Variants in KCNJ6 observed in about 807,000 individuals in gnomAD.
KCNJ6 encodes potassium inwardly rectifying channel subfamily J member 6.
Under a neutral mutation model 34.2 loss-of-function variants are expected in KCNJ6, and 9 were observed. That is an observed-to-expected ratio of 0.26 (90% CI 0.16 to 0.46). The LOEUF is 0.46. Ranked by LOEUF, KCNJ6 falls within the 20% of genes least tolerant of loss-of-function variation. The pLI is 1.00. For missense variants in KCNJ6, 236 were observed against 531.3 expected (o/e 0.44, Z 5.46); for synonymous variants, 196 against 207.1 (o/e 0.95, Z 0.46).
rs1601512220 is a variant in KCNJ6 at position 37,875,190 on chromosome 21, C to T, written c.-27-34481G>A. On this transcript the variant is annotated intron_variant, in intron 1 of 3. Coordinates refer to ENST00000609713, the MANE Select transcript of KCNJ6 (RefSeq NM_002240.5). ...TCTCTGGAACACAGTTATCCCCTTC[C>T]AGAGTGAATTATAATTCTCCCCAAC... Among the ~76,000 whole-genome samples the T allele has an allele frequency of 2.6e-5, 4 of 152,268 alleles. No individual in the cohort carries two copies. The South Asian group carries it at 8.3e-4, about 32-fold the overall frequency.
intron 1 of KCNJ6, among the ~76,000 whole-genome samples, chr21:37,851,200 G>C (rs936059824): frequency 2.6e-5 from 4 of 152,142 alleles, no homozygotes; most frequent in Non-Finnish European, 4.4e-5. Flanking sequence ...TGGTGTGGTT[G>C]CCTGTTCTCA....
At chr21:37,820,596 G>A (rs967258647) in intron 2 of KCNJ6, among the ~76,000 whole-genome samples, 1 of 152,128 alleles carries the variant, frequency 6.6e-6, no homozygotes, top group Non-Finnish European at 1.5e-5. Flanking sequence ...TTCCTGCTAC[G>A]AATTCTGGGG....
chr21:37,809,970 A>C lies in KCNJ6; in HGVS notation c.25+30688T>G, dbSNP rs1318917493. Among the ~76,000 whole-genome samples, 3 of 152,374 alleles carry C rather than the reference A, an allele frequency of 2.0e-5. No individual in the cohort carries two copies. In the East Asian group the frequency reaches 5.8e-4, roughly 29 times the overall value. ...TGTCACTGGACTTTATGTGAGTGAGAAATAGGCTTCCATTGTATTGGATCA... is the reference window on the plus strand; with the variant it reads ...TGTCACTGGACTTTATGTGAGTGAGCAATAGGCTTCCATTGTATTGGATCA... On this transcript the variant is annotated intron_variant, in intron 2 of 3. Coordinates refer to ENST00000609713, the MANE Select transcript of KCNJ6 (RefSeq NM_002240.5).
chr21:37,793,321 G>A (rs764078763), intron 2 of KCNJ6, among the ~76,000 whole-genome samples: 270 of 152,234 alleles, frequency 1.8e-3, no homozygotes, highest in Non-Finnish European at 3.0e-3. Flanking sequence ...ACACTATGAA[G>A]ACAACCAGAC....
At chr21:37,800,382 T>TA (rs2123531249) in intron 2 of KCNJ6, among the ~76,000 whole-genome samples, 1 of 152,328 alleles carries the variant, frequency 6.6e-6, no homozygotes, top group South Asian at 2.1e-4. Context: ...TGTCCAGTGT[T>TA]ACATTGTGGG....
chr21:37,756,665 CTGGAGTGAGCACTCCCTCA>C (rs2055027758), intron 2 of KCNJ6, among the ~76,000 whole-genome samples: 2 of 148,568 alleles, frequency 1.3e-5, no homozygotes, highest in African/African-American at 5.1e-5. Flanking sequence ...TGATTCCAGC[CTGGAGTGAGCACTCCCTCA>C]CAGCGTGATG....
intron 2 of KCNJ6, among the ~76,000 whole-genome samples, chr21:37,798,558 T>C (rs530803257): frequency 2.6e-5 from 4 of 152,300 alleles, no homozygotes; most frequent in African/African-American, 9.6e-5. Flanking sequence ...AAACAAAATG[T>C]GGTCTGTCCA....
At position 37,607,482 on chromosome 21, in the gene KCNJ6, A is replaced by ATATATATATTT; in HGVS notation, c.*17676_*17677insAAATATATATA. Reference sequence around the variant, plus strand: ...CTTAAAGATATATATATATATATATATTTTTTTTTTATTTTAAAAAAATTT... The same window carrying ATATATATATTT: ...CTTAAAGATATATATATATATATATATATATATATTTTTTTTTTTTTATTTTAAAAAAATTT... On this transcript the variant is annotated 3_prime_UTR_variant, in exon 4 of 4. Transcript: ENST00000609713. 298 of 136,738 alleles carry ATATATATATTT rather than the reference A, an allele frequency of 2.2e-3. No individual in the cohort carries two copies. Among genetic ancestry groups the ATATATATATTT allele is most frequent in the African/African-American group, 6.9e-3 (251 of 36,458 alleles). 8.5% of individuals were successfully genotyped at this position (136,738 alleles called of 1,614,324 possible).
chr21:37,780,482 A>G (rs2055163945), intron 2 of KCNJ6, among the ~76,000 whole-genome samples: 1 of 151,994 alleles, frequency 6.6e-6, no homozygotes, highest in East Asian at 1.9e-4. Flanking sequence ...TGATAATAAT[A>G]TATCAATACT....
intron 3 of KCNJ6, among the ~76,000 whole-genome samples, chr21:37,652,277 T>C (rs2123388762): frequency 6.6e-6 from 1 of 152,112 alleles, no homozygotes; most frequent in South Asian, 2.1e-4. Context: ...ATGGAACTAG[T>C]GTATTGGATT....
intron 2 of KCNJ6, among the ~76,000 whole-genome samples, chr21:37,759,013 C>G (rs1245118698): frequency 3.9e-5 from 6 of 152,182 alleles, no homozygotes; most frequent in African/African-American, 1.4e-4. Flanking sequence ...GCAAGAGTTG[C>G]CCTCAGTCTG....
At chr21:37,654,986 T>C (rs1569438709) in intron 3 of KCNJ6, among the ~76,000 whole-genome samples, 1 of 152,082 alleles carries the variant, frequency 6.6e-6, no homozygotes. Flanking sequence ...GTACTACAGC[T>C]CTTTCCCATT....
At chr21:37,633,911 C>T (rs1338770786) in intron 3 of KCNJ6, among the ~76,000 whole-genome samples, 1 of 134,538 alleles carries the variant, frequency 7.4e-6, no homozygotes, top group African/African-American at 2.9e-5. Context: ...ACAATCCCAA[C>T]AAAACATTCT....
intron 2 of KCNJ6, among the ~76,000 whole-genome samples, chr21:37,832,843 C>G (rs1016297194): frequency 3.9e-5 from 6 of 152,104 alleles, no homozygotes; most frequent in African/African-American, 1.4e-4. Context: ...AGAGGCGTCT[C>G]TGGCAGTGAC....
chr21:37,622,640 G>A lies in KCNJ6; in HGVS notation c.*2519C>T, dbSNP rs1389611192. ...GACAACAAAGACAGTGAGAAACAGG[G>A]AGAGACCTCACATCTGGGTGCCCGT... On this transcript the variant is annotated 3_prime_UTR_variant, in exon 4 of 4. Transcript: ENST00000609713. The A allele has an allele frequency of 6.6e-6, 1 of 152,164 alleles. No individual in the cohort carries two copies. Among genetic ancestry groups the A allele is most frequent in the African/African-American group, 2.4e-5 (1 of 41,438 alleles). 9.4% of individuals were successfully genotyped at this position (152,164 alleles called of 1,614,324 possible). A position where few individuals can be genotyped will look rare whatever the true frequency, so the allele number is the denominator to read the frequency against.
chr21:37,860,434 G>A (rs1210566289), intron 1 of KCNJ6, among the ~76,000 whole-genome samples: 1 of 152,076 alleles, frequency 6.6e-6, no homozygotes, highest in Non-Finnish European at 1.5e-5. Flanking sequence ...TTTTCCTCTT[G>A]GGCCTCCTGT....
chr21:37,633,077 G>A (rs748461553), intron 3 of KCNJ6, among the ~76,000 whole-genome samples: 58 of 152,078 alleles, frequency 3.8e-4, no homozygotes, highest in Non-Finnish European at 6.5e-4. Flanking sequence ...CACTTGTGTA[G>A]CTACAAGAAT....
intron 1 of KCNJ6, among the ~76,000 whole-genome samples, chr21:37,879,206 T>C (rs76253883): frequency 0.014 from 2,148 of 152,250 alleles, 25 homozygotes; most frequent in Non-Finnish European, 0.021. Flanking sequence ...GCTCAGTGTC[T>C]AGATAGGGCC....
chr21:37,646,725 C>T (rs915316007), intron 3 of KCNJ6, among the ~76,000 whole-genome samples: 2 of 150,878 alleles, frequency 1.3e-5, no homozygotes, highest in Non-Finnish European at 1.5e-5. Context: ...GGCTGGAGTG[C>T]AGTGGTGCGA....
Sources: gnomAD v4.1 joint callset for allele counts (sites outside exome capture counted in the v4.1 genomes callset) on GRCh38, gnomAD v4.1.1 for gene constraint, MANE v1.5 for transcripts, NCBI Gene and HGNC (gene_info 2026-07-23, HGNC 2026-07-21) for gene names.